Variants in CALCRL observed in about 807,000 individuals in gnomAD.
CALCRL encodes calcitonin receptor like receptor.
Under a neutral mutation model 60.4 loss-of-function variants are expected in CALCRL, and 27 were observed. That is an observed-to-expected ratio of 0.45 (90% CI 0.33 to 0.62). CALCRL has a LOEUF of 0.62. Among genes scored for constraint, CALCRL ranks in the 20% least tolerant of loss-of-function variants. The probability of loss-of-function intolerance (pLI) is 0.03; values close to 1 mark genes in which losing one functional copy is unlikely to be tolerated. For synonymous variants in CALCRL, 190 were observed against 182.6 expected (o/e 1.04, Z -0.33); for missense variants, 424 against 540.7 (o/e 0.78, Z 2.14).
At chr2:187,435,879 T>TGC (rs1690623575) in intron 1 of CALCRL, among the ~76,000 whole-genome samples, 1 of 151,618 alleles carries the variant, frequency 6.6e-6, no homozygotes, top group South Asian at 2.1e-4. Context: ...CGTGTGTGTG[T>TGC]GTGTGTGTGT....
Position 187,378,993 on chromosome 2 carries a change from G to A in CALCRL, c.447C>T (p.His149=), listed in dbSNP as rs770445492. The A allele has an allele frequency of 4.4e-6, 7 of 1,607,490 alleles. No homozygotes were observed. In the African/African-American group the frequency reaches 6.7e-5, roughly 15 times the overall value. The part of the protein sequence containing the change: ...LNLFYLTIIG[H]GLSIASLLIS... ...TAAGCAGTGATGCAATAGACAATCC[G>A]TGTCCAATTATGGTCAGGTAAAACA... The change falls in exon 8 of 15, where the codon CAC becomes CAT. Residue 149 remains histidine (H), a synonymous_variant. Coordinates refer to ENST00000392370, the MANE Select transcript of CALCRL (RefSeq NM_005795.6).
At position 187,428,223 on chromosome 2, in the gene CALCRL, C is replaced by A. The variant is rs987598061; in HGVS notation, c.-293+19816G>T. The A allele has an allele frequency of 4.6e-5, 7 of 152,138 alleles. No individual in the cohort carries two copies. The East Asian group carries it at 1.2e-3, about 25-fold the overall frequency. 9.4% of individuals were successfully genotyped at this position (152,138 alleles called of 1,614,324 possible). On this transcript the variant is annotated intron_variant, in intron 1 of 14. Coordinates refer to ENST00000392370, the MANE Select transcript of CALCRL (RefSeq NM_005795.6). ...CACTTAAGATGAGACCCTCAAGGCA[C>A]ATGATCAAGGATGATTACCAGTACT... is the stretch of plus-strand genomic sequence containing the variant.
chr2:187,429,578 A>T (rs1690308775), intron 1 of CALCRL, among the ~76,000 whole-genome samples: 1 of 152,232 alleles, frequency 6.6e-6, no homozygotes, highest in Non-Finnish European at 1.5e-5. Flanking sequence ...GGAAACATAC[A>T]TAATTCAAAC....
intron 1 of CALCRL, among the ~76,000 whole-genome samples, chr2:187,416,719 A>G (rs1689627030): frequency 2.0e-5 from 3 of 152,100 alleles, no homozygotes; most frequent in East Asian, 3.8e-4. Flanking sequence ...CTAAATGCAA[A>G]CAGAAAATGT....
At chr2:187,420,716 T>G (rs1000156592) in intron 1 of CALCRL, among the ~76,000 whole-genome samples, 48 of 152,262 alleles carry the variant, frequency 3.2e-4, no homozygotes, top group African/African-American at 1.0e-3. Context: ...AGAGTAGAGG[T>G]GTAGGGAACA....
intron 8 of CALCRL, among the ~76,000 whole-genome samples, chr2:187,377,863 ATAC>A (rs1687824370): frequency 6.6e-6 from 1 of 152,136 alleles, no homozygotes; most frequent in Non-Finnish European, 1.5e-5. Flanking sequence ...AATATTTTAA[ATAC>A]TATAATTAAA....
chr2:187,363,791 A>G (rs1401380866), intron 8 of CALCRL, among the ~76,000 whole-genome samples: 1 of 152,182 alleles, frequency 6.6e-6, no homozygotes, highest in Non-Finnish European at 1.5e-5. Flanking sequence ...GAACATAATT[A>G]ATAGTTTAAT....
intron 1 of CALCRL, among the ~76,000 whole-genome samples, chr2:187,409,179 T>C (rs2105843245): frequency 1.3e-5 from 2 of 152,298 alleles, no homozygotes; most frequent in South Asian, 4.1e-4. Context: ...CCTGGGAAAG[T>C]GTTTACAACA....
intron 1 of CALCRL, among the ~76,000 whole-genome samples, chr2:187,442,477 C>G (rs1690964239): frequency 1.3e-5 from 2 of 151,332 alleles, no homozygotes; most frequent in Admixed American, 1.3e-4. Flanking sequence ...TATGTTAAGC[C>G]AAAACCTAAA....
At chr2:187,356,791 TAAAC>T (rs1686810049) in intron 12 of CALCRL, among the ~76,000 whole-genome samples, 1 of 152,012 alleles carries the variant, frequency 6.6e-6, no homozygotes, top group Non-Finnish European at 1.5e-5. Flanking sequence ...ACAAAGAACT[TAAAC>T]AAATTTACAA....
At chr2:187,434,931 A>G (rs1452367936) in intron 1 of CALCRL, among the ~76,000 whole-genome samples, 1 of 152,206 alleles carries the variant, frequency 6.6e-6, no homozygotes, top group Admixed American at 6.6e-5. Context: ...CCCAGAAACC[A>G]TATGTGGTAA....
intron 1 of CALCRL, among the ~76,000 whole-genome samples, chr2:187,423,444 T>C (rs555130955): frequency 6.2e-4 from 94 of 152,050 alleles, no homozygotes; most frequent in African/African-American, 2.2e-3. Context: ...TGAGATGTTA[T>C]AAAAGCATTC....
chr2:187,400,063 A>G lies in CALCRL; in HGVS notation c.-292-12307T>C, dbSNP rs532818846. Reference sequence around the variant, plus strand: ...GAGTAAATACAGTTAAAAATAATTTATATTTTCAAATAGCTAGAAGAGAAG... The same window carrying G: ...GAGTAAATACAGTTAAAAATAATTTGTATTTTCAAATAGCTAGAAGAGAAG... On this transcript the variant is annotated intron_variant, in intron 1 of 14. Transcript: ENST00000392370. Among the ~76,000 whole-genome samples the G allele has an allele frequency of 7.3e-5, 11 of 151,596 alleles. No homozygotes were observed. The South Asian group carries it at 2.3e-3, about 31-fold the overall frequency.
At chr2:187,411,449 A>G (rs1015503755) in intron 1 of CALCRL, among the ~76,000 whole-genome samples, 4 of 152,160 alleles carry the variant, frequency 2.6e-5, no homozygotes, top group African/African-American at 9.7e-5. Flanking sequence ...GCAGCAATAT[A>G]TAAGGTAGCA....
intron 5 of CALCRL, among the ~76,000 whole-genome samples, chr2:187,381,504 G>A (rs1687985144): frequency 6.6e-6 from 1 of 151,578 alleles, no homozygotes; most frequent in African/African-American, 2.4e-5. Flanking sequence ...GTCGCCAGCT[G>A]GAGTGCAGTG....
At position 187,416,319 on chromosome 2, in the gene CALCRL, A is replaced by G. The variant is rs544090552; in HGVS notation, c.-292-28563T>C. ...CAGCACTTATAATTTCTGTGTGTAA[A>G]TATCTAAAATTTTTCATCTTGAATG... On this transcript the variant is annotated intron_variant, in intron 1 of 14. Transcript: ENST00000392370. Among the ~76,000 whole-genome samples the G allele has an allele frequency of 2.6e-5, 4 of 152,316 alleles. No individual in the cohort carries two copies. The East Asian group carries it at 7.7e-4, about 29-fold the overall frequency.
In CALCRL at chr2:187,346,291, T is replaced by C; in HGVS notation, c.1279A>G (p.Ser427Gly). 6.2e-7 allele frequency: 1 copy of C among 1,612,434 alleles called. No individual in the cohort carries two copies. Among genetic ancestry groups the C allele is most frequent in the Non-Finnish European group, 8.5e-7 (1 of 1,178,954 alleles). The change falls in exon 15 of 15, where the codon AGT (serine) becomes GGT (glycine). Residue 427 changes from serine to glycine, a missense_variant. Transcript: ENST00000392370. ...TCATGACTATAACCTGGACCATCAC[T>C]GATTGTTGACACTGTGTAAGACGCA... ...RSASYTVSTI[S>G]DGPGYSHDCP...
intron 14 of CALCRL, among the ~76,000 whole-genome samples, chr2:187,348,156 T>C (rs1354613543): frequency 2.6e-5 from 4 of 151,708 alleles, no homozygotes; most frequent in African/African-American, 9.7e-5. Context: ...GTATAAAATA[T>C]CTAAATTCAG....
chr2:187,376,823 ATT>A (rs779561860), intron 8 of CALCRL, among the ~76,000 whole-genome samples: 2 of 152,138 alleles, frequency 1.3e-5, no homozygotes, highest in African/African-American at 2.4e-5. Context: ...TTCTTCAAAA[ATT>A]TAATGTGCTC....
Sources: gnomAD v4.1 joint callset for allele counts (sites outside exome capture counted in the v4.1 genomes callset) on GRCh38, gnomAD v4.1.1 for gene constraint, MANE v1.5 for transcripts, NCBI Gene and HGNC (gene_info 2026-07-23, HGNC 2026-07-21) for gene names.